CCDC192: variants seen among roughly 807,000 people sequenced by gnomAD.
The protein encoded by CCDC192 is coiled-coil domain-containing protein 192.
At chr5:127,854,198 T>C (rs1441581184) in intron 5 of CCDC192, among the ~76,000 whole-genome samples, 1 of 152,228 alleles carries the variant, frequency 6.6e-6, no homozygotes, top group Non-Finnish European at 1.5e-5. Context: ...CATTAAATCC[T>C]TGAGTTCCTC....
intron 6 of CCDC192, among the ~76,000 whole-genome samples, chr5:127,920,266 AATAG>A (rs1653201388): frequency 1.3e-5 from 2 of 152,214 alleles, no homozygotes; most frequent in Admixed American, 1.3e-4. Context: ...ATTTATCATG[AATAG>A]ATAAATAGAA....
intron 5 of CCDC192, among the ~76,000 whole-genome samples, chr5:127,815,429 G>A (rs1748959456): frequency 6.6e-6 from 1 of 152,060 alleles, no homozygotes; most frequent in South Asian, 2.1e-4. Flanking sequence ...GCACATTTGG[G>A]GATGATAGGG....
chr5:127,732,089 C>T (rs1344135900), intron 2 of CCDC192, among the ~76,000 whole-genome samples: 1 of 151,826 alleles, frequency 6.6e-6, no homozygotes, highest in Non-Finnish European at 1.5e-5. Flanking sequence ...AAATTTTTTG[C>T]AATCTATTCA....
chr5:127,727,036 A>G (rs1047013795), intron 2 of CCDC192, among the ~76,000 whole-genome samples: 10 of 152,222 alleles, frequency 6.6e-5, no homozygotes, highest in African/African-American at 1.7e-4. Context: ...GAGCTCCCAG[A>G]GGAAGAAGTG....
chr5:127,886,389 A>G (rs1752560075), intron 6 of CCDC192, among the ~76,000 whole-genome samples: 1 of 152,190 alleles, frequency 6.6e-6, no homozygotes, highest in Non-Finnish European at 1.5e-5. Context: ...ATTATTATAC[A>G]GTTGACCCTT....
intron 5 of CCDC192, among the ~76,000 whole-genome samples, chr5:127,855,535 C>T (rs1182413319): frequency 1.3e-5 from 2 of 152,196 alleles, no homozygotes; most frequent in African/African-American, 4.8e-5. Flanking sequence ...TTGACCTTCT[C>T]CCATGAATCA....
chr5:127,912,088 A>ATT (rs113713531), intron 6 of CCDC192, among the ~76,000 whole-genome samples: 24 of 141,384 alleles, frequency 1.7e-4, no homozygotes, highest in African/African-American at 5.4e-4. Flanking sequence ...TGCCCAGCTA[A>ATT]TTTTTTTTTT....
intron 2 of CCDC192, among the ~76,000 whole-genome samples, chr5:127,725,055 A>G (rs757351691): frequency 3.3e-5 from 5 of 152,200 alleles, no homozygotes; most frequent in Non-Finnish European, 7.3e-5. Flanking sequence ...AATAAAAGTT[A>G]AACATAGCAA....
At chr5:127,878,225 C>A (rs1752184554) in intron 6 of CCDC192, among the ~76,000 whole-genome samples, 1 of 152,226 alleles carries the variant, frequency 6.6e-6, no homozygotes, top group South Asian at 2.1e-4. Context: ...TTTCCACTAA[C>A]TCTAGTTGGA....
At chr5:127,912,714 A>G (rs1284756991) in intron 6 of CCDC192, among the ~76,000 whole-genome samples, 1 of 152,222 alleles carries the variant, frequency 6.6e-6, no homozygotes, top group Non-Finnish European at 1.5e-5. Flanking sequence ...CTCTCTGCTT[A>G]GGTATTTGAA....
At chr5:127,787,065 C>G in intron 3 of CCDC192, 1 of 278,046 alleles carries the variant, frequency 3.6e-6, no homozygotes, top group South Asian at 5.2e-5. Context: ...CTAAAGCTGT[C>G]CAGTGCAGCA....
At chr5:127,762,153 C>G (rs1754968965) in intron 3 of CCDC192, among the ~76,000 whole-genome samples, 1 of 152,026 alleles carries the variant, frequency 6.6e-6, no homozygotes, top group East Asian at 1.9e-4. Flanking sequence ...TTCATTTCTG[C>G]AAATGCTCAG....
At chr5:127,814,634 G>C (rs1419715037) in intron 5 of CCDC192, among the ~76,000 whole-genome samples, 2 of 152,308 alleles carry the variant, frequency 1.3e-5, no homozygotes, top group Non-Finnish European at 2.9e-5. Context: ...AACATTTTGG[G>C]AGATCTTTCT....
chr5:127,855,554 C>T (rs1751028269), intron 5 of CCDC192, among the ~76,000 whole-genome samples: 1 of 152,172 alleles, frequency 6.6e-6, no homozygotes, highest in Non-Finnish European at 1.5e-5. Context: ...CACGAGTGTT[C>T]TTAATTAGTC....
chr5:127,897,513 A>G (rs1050018444), intron 6 of CCDC192, among the ~76,000 whole-genome samples: 2 of 152,226 alleles, frequency 1.3e-5, no homozygotes, highest in African/African-American at 4.8e-5. Context: ...TTCTTGATGT[A>G]AAAGCAGGCA....
At chr5:127,853,454 C>T (rs1750897751) in intron 5 of CCDC192, among the ~76,000 whole-genome samples, 1 of 152,004 alleles carries the variant, frequency 6.6e-6, no homozygotes, top group South Asian at 2.1e-4. Context: ...TAATACATTC[C>T]TAGTGTACAA....
At chr5:127,881,134 C>A (rs1752336568) in intron 6 of CCDC192, among the ~76,000 whole-genome samples, 1 of 151,930 alleles carries the variant, frequency 6.6e-6, no homozygotes, top group Admixed American at 6.5e-5. Flanking sequence ...AATTTCAGAC[C>A]CCATAATAAA....
At chr5:127,819,875 G>A (rs1048908312) in intron 5 of CCDC192, among the ~76,000 whole-genome samples, 1 of 152,150 alleles carries the variant, frequency 6.6e-6, no homozygotes, top group Non-Finnish European at 1.5e-5. Flanking sequence ...ATAGTCCATG[G>A]TCTATAAGGT....
Position 127,920,902 on chromosome 5 carries a change from A to G in CCDC192, c.536-20280A>G, listed in dbSNP as rs559039397. 1.3e-4 allele frequency among the ~76,000 whole-genome samples: 20 copies of G among 151,864 alleles called. No homozygotes were observed. The Middle Eastern group carries it at 0.01, about 77-fold the overall frequency. On this transcript the variant is annotated intron_variant, in intron 6 of 6. Transcript: ENST00000514853. ...GGGGTGAAGCCCTATTTCTCCAAAA[A>G]GACAAAAATTAGCCAGGCATGGTGG...
Sources: gnomAD v4.1 joint callset for allele counts (sites outside exome capture counted in the v4.1 genomes callset) on GRCh38, gnomAD v4.1.1 for gene constraint, MANE v1.5 for transcripts, NCBI Gene and HGNC (gene_info 2026-07-23, HGNC 2026-07-21) for gene names.